RNF123: variants seen among roughly 807,000 people sequenced by gnomAD.
The protein encoded by RNF123 is ring finger protein 123.
RNF123 carries 86 observed loss-of-function variants against 168.5 expected under a neutral mutation model. That is an observed-to-expected ratio of 0.51 (90% CI 0.43 to 0.61). The LOEUF (loss-of-function observed/expected upper bound fraction) is 0.61. Among genes scored for constraint, RNF123 ranks in the 20% least tolerant of loss-of-function variants. RNF123 has a pLI of 0.00. For synonymous variants in RNF123, 666 were observed against 689.1 expected (o/e 0.97, Z 0.52); for missense variants, 1,419 against 1,729.7 (o/e 0.82, Z 3.19).
chr3:49,694,281 C>T (rs1040630054), intron 3 of RNF123, among the ~76,000 whole-genome samples: 3 of 152,164 alleles, frequency 2.0e-5, no homozygotes, highest in Admixed American at 6.5e-5. Flanking sequence ...ATATATAAAA[C>T]CCGTGAAACC....
intron 26 of RNF123, among the ~76,000 whole-genome samples, chr3:49,708,050 G>A: frequency 6.6e-6 from 1 of 152,006 alleles, no homozygotes. Context: ...GCAATGGCAT[G>A]ATCTTGGCTC....
chr3:49,690,267 T>C (rs1168403086), intron 1 of RNF123, among the ~76,000 whole-genome samples: 1 of 152,248 alleles, frequency 6.6e-6, no homozygotes, highest in Non-Finnish European at 1.5e-5. Context: ...CTTTGTGCTG[T>C]CCAACAGAGT....
chr3:49,714,324 A>G, intron 31 of RNF123, 150 bp downstream of exon 31: 1 of 698,062 alleles, frequency 1.4e-6, no homozygotes, highest in Non-Finnish European at 2.5e-6. Context: ...TGGGGTTTCC[A>G]CTTTCCCTGC....
chr3:49,712,374 G>T, intron 26 of RNF123, 105 bp from the exon 27 acceptor site: 1 of 1,040,982 alleles, frequency 9.6e-7, no homozygotes, highest in Non-Finnish European at 1.4e-6. Flanking sequence ...GGTCTCAGTT[G>T]TGCTGTCGTA....
Position 49,716,412 on chromosome 3 carries a change from C to G in RNF123, c.3435C>G (p.His1145Gln), listed in dbSNP as rs774419290. The change falls in exon 35 of 39, where the codon CAC becomes CAG. Residue 1145 changes from histidine (H) to glutamine (Q), a missense_variant. His to Gln is a conservative substitution (Grantham distance 24). Coordinates refer to ENST00000327697, the MANE Select transcript of RNF123 (RefSeq NM_022064.5). Reference protein sequence around the residue: ...LRLPGLESVDHYPILVAVTGI... With the variant: ...LRLPGLESVDQYPILVAVTGI... ...CCTCAGGCCTAGAGAGCGTGGACCA[C>G]TATCCCATTCTGGTGGCAGTGACGG... 1 of 1,614,088 alleles carries G rather than the reference C, an allele frequency of 6.2e-7. No homozygotes were observed.
intron 1 of RNF123, among the ~76,000 whole-genome samples, chr3:49,690,236 A>G (rs962821444): frequency 4.6e-5 from 7 of 152,362 alleles, no homozygotes; most frequent in East Asian, 1.9e-4. Context: ...AGAACTTTAT[A>G]TGATGGTGGG....
intron 35 of RNF123, chr3:49,719,212 AAG>A: frequency 6.2e-7 from 1 of 1,613,188 alleles, no homozygotes. Flanking sequence ...GCGCAGCTGG[AAG>A]AGGGGCGCCA....
intron 31 of RNF123, 101 bp from the exon 32 acceptor site, chr3:49,715,474 T>G (rs922122166): frequency 7.0e-7 from 1 of 1,433,388 alleles, no homozygotes; most frequent in African/African-American, 1.4e-5. Flanking sequence ...GAGCCATCTT[T>G]CTGTCCTTAT....
intron 26 of RNF123, among the ~76,000 whole-genome samples, chr3:49,710,158 A>G (rs139508388): frequency 1.3e-3 from 195 of 151,624 alleles, no homozygotes; most frequent in Non-Finnish European, 1.1e-3. Context: ...TTAATAGTAA[A>G]TCCTAATGGG....
Position 49,697,901 on chromosome 3 carries a change from A to G in RNF123, c.359A>G (p.Asn120Ser). The G allele has an allele frequency of 1.2e-6, 2 of 1,614,160 alleles. No individual in the cohort carries two copies. The highest frequency in any genetic ancestry group is 1.1e-5 in the South Asian group (1 of 91,080). ...DDLLGVIGHS[N>S]FGTIRSTTCV... ...TTCACCCAGGTGATTGGACACAGCA[A>G]CTTTGGCACCATCCGCTCTACCACA... is the stretch of plus-strand genomic sequence containing the variant. The change falls in exon 6 of 39, where the codon AAC (asparagine) becomes AGC (serine). Residue 120 changes from asparagine (N) to serine (S), a missense_variant. Asn to Ser is a conservative substitution (Grantham distance 46). Transcript: ENST00000327697.
intron 35 of RNF123, 80 bp downstream of exon 35, chr3:49,716,557 TCA>T: frequency 8.4e-7 from 1 of 1,190,170 alleles, no homozygotes; most frequent in Non-Finnish European, 1.2e-6. Flanking sequence ...TCCTGGTACT[TCA>T]GTTTCCTCAT....
At chr3:49,697,539 C>G (rs2054293332) in intron 5 of RNF123, 82 bp downstream of exon 5, 2 of 1,123,074 alleles carry the variant, frequency 1.8e-6, no homozygotes, top group Non-Finnish European at 1.3e-6. Flanking sequence ...GCCCTAGTCT[C>G]TCTACTCATC....
rs1191089079 is a variant in RNF123, at chr3:49,691,244, A to C, written c.79A>C (p.Thr27Pro). Residue 27 changes from threonine (T) to proline (P), a missense_variant, in exon 2 of 39, where the codon ACA becomes CCA. Transcript: ENST00000327697. Reference protein sequence around the residue: ...LTSDAEKSRVTGIVQEKLLND... With the variant: ...LTSDAEKSRVPGIVQEKLLND... ...CTCAGATGCTGAGAAATCCAGGGTC[A>C]CAGGTAAGAGCTGGCAGGGAAGGAA... 37 of 1,613,832 alleles carry C rather than the reference A, an allele frequency of 2.3e-5. No homozygotes were observed. Among genetic ancestry groups the C allele is most frequent in the Non-Finnish European group, 3.1e-5 (37 of 1,179,824 alleles).
chr3:49,694,293 T>C (rs902125331), intron 3 of RNF123, among the ~76,000 whole-genome samples: 1 of 152,230 alleles, frequency 6.6e-6, no homozygotes, highest in Non-Finnish European at 1.5e-5. Context: ...CGTGAAACCA[T>C]CACTACCATC....
intron 35 of RNF123, chr3:49,719,633 G>T (rs2080343879): frequency 1.3e-5 from 8 of 618,402 alleles, no homozygotes; most frequent in Non-Finnish European, 2.3e-5. Flanking sequence ...CCCAGGTTGT[G>T]AGGCGGTGCG....
intron 35 of RNF123, chr3:49,719,379 A>C (rs747435926): frequency 6.2e-7 from 1 of 1,613,594 alleles, no homozygotes; most frequent in Non-Finnish European, 8.5e-7. Flanking sequence ...TGTGGAGCGC[A>C]CGGGGCGGGA....
chr3:49,715,200 G>A (rs940646205), intron 31 of RNF123, among the ~76,000 whole-genome samples: 1 of 152,238 alleles, frequency 6.6e-6, no homozygotes, highest in Non-Finnish European at 1.5e-5. Flanking sequence ...TCTTGGAGGA[G>A]CTGGCCTTGG....
intron 3 of RNF123, among the ~76,000 whole-genome samples, chr3:49,694,772 C>A (rs1010123335): frequency 6.6e-5 from 10 of 152,022 alleles, no homozygotes; most frequent in Non-Finnish European, 1.0e-4. Context: ...GAGTTCCTGC[C>A]CACCCCCACC....
chr3:49,702,885 G>A, intron 20 of RNF123, 132 bp downstream of exon 20: 3 of 1,386,028 alleles, frequency 2.2e-6, no homozygotes, highest in South Asian at 1.3e-5. Flanking sequence ...CTGCCTGGTT[G>A]AGTCCTACCC....
Sources: allele counts gnomAD v4.1 joint callset (sites outside exome capture counted in the v4.1 genomes callset), GRCh38; gene constraint gnomAD v4.1.1; transcripts MANE v1.5; gene names NCBI Gene and HGNC (gene_info 2026-07-23, HGNC 2026-07-21).